The following PHACTR4 variants were observed in gnomAD, a reference collection of about 807,000 sequenced individuals.
PHACTR4 encodes protein phosphatase 1, regulatory subunit 124.
Under a neutral mutation model 72.7 loss-of-function variants are expected in PHACTR4, and 51 were observed. The ratio of observed to expected loss-of-function variants is 0.70; its 90% confidence interval spans 0.56 to 0.89. The LOEUF (loss-of-function observed/expected upper bound fraction) is 0.89, where lower values mean the gene tolerates loss of function less well. PHACTR4 is among the 40% of genes least tolerant of loss of function. The probability of loss-of-function intolerance (pLI) is 0.00; values close to 1 mark genes in which losing one functional copy is unlikely to be tolerated. For synonymous variants in PHACTR4, 255 were observed against 302.5 expected (o/e 0.84, Z 1.63); for missense variants, 731 against 861.8 (o/e 0.85, Z 1.90).
At chr1:28,404,276 C>CTTT (rs58454588) in intron 1 of PHACTR4, among the ~76,000 whole-genome samples, 44 of 101,420 alleles carry the variant, frequency 4.3e-4, no homozygotes, top group Non-Finnish European at 6.3e-4. Context: ...TATGAACATC[C>CTTT]TTTTTTTTTT....
chr1:28,407,346 TA>T, intron 1 of PHACTR4, 63 bp from the exon 2 acceptor site: 1 of 828,290 alleles, frequency 1.2e-6, no homozygotes, highest in Non-Finnish European at 1.9e-6. Flanking sequence ...ATTATTTTTT[TA>T]AAAGCATAAA....
In PHACTR4 at chr1:28,465,817, C is replaced by T. The variant is rs1303197865; in HGVS notation, c.404C>T (p.Ala135Val). The change falls in exon 5 of 14, where the codon GCT becomes GTT. Residue 135 changes from alanine (A) to valine (V), a missense_variant. By Grantham distance (64) the Ala-to-Val change is moderately conservative. This residue lies in a region of PHACTR4 where 621 missense variants were observed against 676.6 expected (regional missense o/e 0.92). Transcript: ENST00000373839. Reference protein sequence around the residue: ...EPVRLASLRKAIPEEDLKKRL... With the variant: ...EPVRLASLRKVIPEEDLKKRL... ...GTAAGATTAGCAAGTCTTAGGAAAG[C>T]TATTCCAGAAGAGGACCTAAAGAAA... The T allele has an allele frequency of 6.2e-7, 1 of 1,609,424 alleles. No homozygotes were observed. The highest frequency in any genetic ancestry group is 2.2e-5 in the East Asian group (1 of 44,464).
intron 1 of PHACTR4, among the ~76,000 whole-genome samples, chr1:28,376,900 G>A (rs897700422): frequency 3.3e-5 from 5 of 152,060 alleles, no homozygotes; most frequent in African/African-American, 1.2e-4. Context: ...GCCTCTCAAA[G>A]TGTGGGGATT....
At chr1:28,404,411 T>C (rs929496356) in intron 1 of PHACTR4, among the ~76,000 whole-genome samples, 3 of 151,238 alleles carry the variant, frequency 2.0e-5, no homozygotes, top group African/African-American at 7.3e-5. Flanking sequence ...GCCTCCTGAG[T>C]ACCTGGGACT....
chr1:28,462,289 G>A (rs912350500), intron 4 of PHACTR4, among the ~76,000 whole-genome samples: 4 of 152,034 alleles, frequency 2.6e-5, no homozygotes, highest in Admixed American at 6.6e-5. Flanking sequence ...GATTACAGGC[G>A]TGAGCCACCA....
At chr1:28,375,122 A>C (rs1220751711) in intron 1 of PHACTR4, among the ~76,000 whole-genome samples, 1 of 152,182 alleles carries the variant, frequency 6.6e-6, no homozygotes, top group African/African-American at 2.4e-5. Context: ...AACATGGCGA[A>C]ACCCCATCTC....
At chr1:28,474,260 C>T in intron 7 of PHACTR4, 109 bp downstream of exon 7, 2 of 1,027,488 alleles carry the variant, frequency 1.9e-6, no homozygotes, top group Non-Finnish European at 2.8e-6. Flanking sequence ...TGGCCCACAC[C>T]TGTAAGCCCA....
chr1:28,455,054 G>A (rs1452172113), intron 2 of PHACTR4, among the ~76,000 whole-genome samples: 2 of 151,512 alleles, frequency 1.3e-5, no homozygotes, highest in Non-Finnish European at 2.9e-5. Flanking sequence ...ATTTTTAATA[G>A]AGACAGGGTT....
rs1653181086 is a variant in PHACTR4, at chr1:28,393,036, T to C, written c.-38-14374T>C. Among the ~76,000 whole-genome samples the C allele has an allele frequency of 2.0e-5, 3 of 152,194 alleles. No individual in the cohort carries two copies. The South Asian group carries it at 6.2e-4, about 32-fold the overall frequency. ...GATTGAGTGCAATTGGATTCAGTAC[T>C]GTCCATTGTTTCAGTTATCCACTGG... On this transcript the variant is annotated intron_variant, in intron 1 of 13. Coordinates refer to ENST00000373839, the MANE Select transcript of PHACTR4 (RefSeq NM_001048183.3).
intron 2 of PHACTR4, among the ~76,000 whole-genome samples, chr1:28,424,696 GC>G (rs1416532537): frequency 6.6e-6 from 1 of 151,778 alleles, no homozygotes; most frequent in African/African-American, 2.4e-5. Context: ...CACTGTGTTA[GC>G]CAGGATGGTC....
intron 2 of PHACTR4, among the ~76,000 whole-genome samples, chr1:28,419,239 C>T (rs745533238): frequency 6.6e-6 from 1 of 151,586 alleles, no homozygotes. Flanking sequence ...CCGCCTCGGC[C>T]TCCCAGAGTG....
At chr1:28,394,291 A>AGGAG (rs930183114) in intron 1 of PHACTR4, among the ~76,000 whole-genome samples, 1 of 151,048 alleles carries the variant, frequency 6.6e-6, no homozygotes, top group Non-Finnish European at 1.5e-5. Context: ...AGGGAAGGAA[A>AGGAG]GGAGGGAGGG....
In PHACTR4 at chr1:28,377,260, C is replaced by T. The variant is rs1214369446; in HGVS notation, c.-39+7435C>T. ...GCCTTTTTTTTTTTTTTTTTGTAGACGGGAGTCCTGCTCTGTCACCCAGGC... is the reference window on the plus strand; with the variant it reads ...GCCTTTTTTTTTTTTTTTTTGTAGATGGGAGTCCTGCTCTGTCACCCAGGC... On this transcript the variant is annotated intron_variant, in intron 1 of 13. Coordinates refer to ENST00000373839, the MANE Select transcript of PHACTR4 (RefSeq NM_001048183.3). 4.5e-5 allele frequency among the ~76,000 whole-genome samples: 6 copies of T among 134,646 alleles called. No individual in the cohort carries two copies. The South Asian group carries it at 7.2e-4, about 16-fold the overall frequency. 88.3% of individuals were successfully genotyped at this position (134,646 alleles called of 152,430 possible).
In PHACTR4 at chr1:28,382,326, CAG is replaced by C. The variant is rs1273221740; in HGVS notation, c.-39+12504_-39+12505del. Among the ~76,000 whole-genome samples the C allele has an allele frequency of 2.0e-5, 3 of 150,284 alleles. No individual in the cohort carries two copies. The South Asian group carries it at 6.3e-4, about 31-fold the overall frequency. Reference sequence around the variant, plus strand: ...CATGAAATTTTTTTTTTTTTTGAGACAGAGTCTCCCTCTGTTGCCCAGGCTGG... The same window carrying C: ...CATGAAATTTTTTTTTTTTTTGAGACAGTCTCCCTCTGTTGCCCAGGCTGG... On this transcript the variant is annotated intron_variant, in intron 1 of 13. Coordinates refer to ENST00000373839, the MANE Select transcript of PHACTR4 (RefSeq NM_001048183.3).
chr1:28,406,174 CAG>C (rs1486422558), intron 1 of PHACTR4, among the ~76,000 whole-genome samples: 14 of 152,006 alleles, frequency 9.2e-5, no homozygotes. Context: ...GGAGGTCACT[CAG>C]AATGAAAACT....
intron 6 of PHACTR4, among the ~76,000 whole-genome samples, chr1:28,473,231 G>A (rs909351459): frequency 2.0e-5 from 3 of 148,258 alleles, no homozygotes; most frequent in Admixed American, 6.8e-5. Flanking sequence ...AGCCAAGATC[G>A]CGCCACTGCA....
At chr1:28,486,745 G>A (rs1660666348) in intron 9 of PHACTR4, among the ~76,000 whole-genome samples, 1 of 152,014 alleles carries the variant, frequency 6.6e-6, no homozygotes, top group South Asian at 2.1e-4. Context: ...TGTAGTCTCA[G>A]CTACTCAGGA....
At chr1:28,396,198 C>T (rs1212746225) in intron 1 of PHACTR4, among the ~76,000 whole-genome samples, 1 of 151,898 alleles carries the variant, frequency 6.6e-6, no homozygotes, top group African/African-American at 2.4e-5. Context: ...TTCTACACTT[C>T]CAGATTTCCA....
intron 2 of PHACTR4, among the ~76,000 whole-genome samples, chr1:28,442,083 T>G (rs909146848): frequency 6.6e-6 from 1 of 152,220 alleles, no homozygotes; most frequent in Non-Finnish European, 1.5e-5. Context: ...CTTTACTATG[T>G]GTCATATTAA....
Sources: allele counts gnomAD v4.1 joint callset (sites outside exome capture counted in the v4.1 genomes callset), GRCh38; gene constraint gnomAD v4.1.1; regional missense constraint gnomAD v4.1.1; transcripts MANE v1.5; gene names NCBI Gene and HGNC (gene_info 2026-07-23, HGNC 2026-07-21).